Variants in NPRL3 observed in about 807,000 individuals in gnomAD.
NPRL3 encodes the protein GATOR1 complex protein NPRL3.
In NPRL3, 23 loss-of-function variants were observed where a neutral mutation model predicts 57.2. The observed-to-expected ratio is 0.40, with a 90% CI of 0.29 to 0.57. NPRL3 has a LOEUF of 0.57. Ranked by LOEUF, NPRL3 falls within the 20% of genes least tolerant of loss-of-function variation. NPRL3 has a pLI of 0.42. For synonymous variants in NPRL3, 333 were observed against 321.1 expected, an observed-to-expected ratio of 1.04 and a Z score of -0.39; for missense variants, 691 against 767.1, an observed-to-expected ratio of 0.90 and a Z score of 1.17.
Position 85,658 on chromosome 16 carries a change from G to GC in NPRL3, c.*1046dup, listed in dbSNP as rs1168126591. The GC allele has an allele frequency of 6.3e-7, 1 of 1,584,916 alleles. No homozygotes were observed. The highest frequency in any genetic ancestry group is 1.7e-5 in the Admixed American group (1 of 57,394). On this transcript the variant is annotated 3_prime_UTR_variant, in exon 14 of 14. Transcript: ENST00000611875. ...CAGTGAGCCGGCTGTAGTGGCAGCA[G>GC]CCCGGGTGGGCGTCGGCCATGCAGG...
chr16:97,665 G>C (rs1197027471), intron 9 of NPRL3, among the ~76,000 whole-genome samples: 1 of 152,094 alleles, frequency 6.6e-6, no homozygotes, highest in African/African-American at 2.4e-5. Context: ...CTTGTACAGA[G>C]TGCACAGGCC....
intron 3 of NPRL3, among the ~76,000 whole-genome samples, chr16:129,486 C>T (rs562983167): frequency 6.6e-5 from 10 of 152,268 alleles, no homozygotes; most frequent in African/African-American, 2.4e-4. Context: ...GAGGCCCCAA[C>T]ATCCTCCCAA....
chr16:100,229 A>C (rs1899217789), intron 8 of NPRL3, 143 bp downstream of exon 8: 1 of 845,338 alleles, frequency 1.2e-6, no homozygotes, highest in African/African-American at 1.8e-5. Flanking sequence ...TAACTTCTAT[A>C]AACGGCAGAG....
intron 7 of NPRL3, among the ~76,000 whole-genome samples, chr16:107,308 C>T (rs917708104): frequency 6.6e-6 from 1 of 152,098 alleles, no homozygotes; most frequent in East Asian, 1.9e-4. Flanking sequence ...CTTTCCAGCA[C>T]GATTCAAACC....
intron 10 of NPRL3, 73 bp downstream of exon 10, chr16:93,146 G>C (rs1021617180): frequency 4.1e-6 from 4 of 966,516 alleles, no homozygotes; most frequent in Non-Finnish European, 6.5e-6. Context: ...ACAGAGAACA[G>C]CATCTGGAGG....
Position 88,748 on chromosome 16 carries a change from G to A in NPRL3, c.1494C>T (p.Ile498=). ...ASLSEHERAA[I]LSVPAAQNPE... ...GGTTCTGGGCTGCGGGTACACTGAG[G>A]ATGGCTGCGCGTTCATGCTCCGACA... The change falls in exon 13 of 14, where the codon ATC becomes ATT. Residue 498 remains isoleucine, a synonymous_variant. Transcript: ENST00000611875. The A allele has an allele frequency of 6.2e-7, 1 of 1,613,732 alleles. No homozygotes were observed. The highest frequency in any genetic ancestry group is 1.1e-5 in the South Asian group (1 of 90,996).
intron 13 of NPRL3, among the ~76,000 whole-genome samples, chr16:88,233 T>A (rs1328339462): frequency 6.6e-6 from 1 of 152,130 alleles, no homozygotes; most frequent in Admixed American, 6.5e-5. Context: ...GCACTTAAAT[T>A]AGCCGGGCGT....
Position 117,051 on chromosome 16 carries a change from A to G in NPRL3, c.393+250T>C, listed in dbSNP as rs34742823. Among the ~76,000 whole-genome samples, 11,280 of 152,216 alleles carry G rather than the reference A, an allele frequency of 0.074. 835 individuals carry two copies. Among genetic ancestry groups the G allele is most frequent in the African/African-American group, 0.19 (7,795 of 41,510 alleles). On this transcript the variant is annotated intron_variant, in intron 5 of 13. Transcript: ENST00000611875. ...TGGTGAAAGTGTTCTGGATCTAGAT[A>G]GTGGTGATGGTTATACAACATGAAT...
At chr16:134,450 G>T (rs1017650755) in intron 2 of NPRL3, among the ~76,000 whole-genome samples, 1 of 152,252 alleles carries the variant, frequency 6.6e-6, no homozygotes, top group Admixed American at 6.5e-5. Context: ...AGAAAAAAAT[G>T]AATTGAAGAC....
chr16:112,694 G>A lies in NPRL3; in HGVS notation c.475C>T (p.Arg159Cys), dbSNP rs769300436. The change falls in exon 6 of 14, where the codon CGC (arginine) becomes TGC (cysteine). Residue 159 changes from arginine to cysteine, a missense_variant. Transcript: ENST00000611875. ...GCCTCCCGGGTGAGGTACTGGCAGC[G>A]GCGCTCCTCGTGCTGCAGCACGGTG... ...IATVLQHEER[R>C]CQYLTREAKL... is the part of the protein sequence containing the mutation. 13 of 1,610,516 alleles carry A rather than the reference G, an allele frequency of 8.1e-6. No individual in the cohort carries two copies. The East Asian group carries it at 1.3e-4, about 17-fold the overall frequency.
At chr16:128,565 G>A (rs893677911) in intron 3 of NPRL3, among the ~76,000 whole-genome samples, 5 of 152,042 alleles carry the variant, frequency 3.3e-5, no homozygotes, top group African/African-American at 7.2e-5. Flanking sequence ...TCAGGAGATC[G>A]AGACCGTCCT....
rs560167568 is a variant in NPRL3 at position 119,193 on chromosome 16, A to C, written c.251T>G (p.Phe84Cys). 31 of 1,612,772 alleles carry C rather than the reference A, an allele frequency of 1.9e-5. No homozygotes were observed. In the Admixed American group the frequency reaches 2.0e-4, roughly 10 times the overall value. Reference sequence around the variant, plus strand: ...TCGCACATTATCAATCTTCAGTTCAAATTTTTGGCCACACATTTCAGACTT... The same window carrying C: ...TCGCACATTATCAATCTTCAGTTCACATTTTTGGCCACACATTTCAGACTT... Reference protein sequence around the residue: ...ATKSEMCGQKFELKIDNVRFV... With the variant: ...ATKSEMCGQKCELKIDNVRFV... Residue 84 changes from phenylalanine (F) to cysteine (C), a missense_variant, in exon 4 of 14, where the codon TTT (phenylalanine) becomes TGT (cysteine). Physicochemically the swap from Phe to Cys is radical, Grantham distance 205. Coordinates refer to ENST00000611875, the MANE Select transcript of NPRL3 (RefSeq NM_001077350.3).
intron 7 of NPRL3, among the ~76,000 whole-genome samples, chr16:103,711 G>A (rs535942808): frequency 1.4e-4 from 21 of 152,304 alleles, no homozygotes; most frequent in Non-Finnish European, 2.5e-4. Flanking sequence ...CGGGCGTGGC[G>A]GCTCACGCCT....
At chr16:107,347 G>A (rs897802680) in intron 7 of NPRL3, among the ~76,000 whole-genome samples, 1 of 128,136 alleles carries the variant, frequency 7.8e-6, no homozygotes, top group Admixed American at 8.9e-5. Context: ...TCTTCCTTTA[G>A]AAATATAAAG....
At chr16:93,089 T>C (rs1011955472) in intron 10 of NPRL3, 130 bp downstream of exon 10, 1 of 692,694 alleles carries the variant, frequency 1.4e-6, no homozygotes, top group African/African-American at 1.8e-5. Flanking sequence ...TAGGCTGAAG[T>C]GAGAGCCTGG....
chr16:98,066 T>C (rs1352308993), intron 9 of NPRL3, 79 bp downstream of exon 9: 15 of 1,529,662 alleles, frequency 9.8e-6, no homozygotes, highest in South Asian at 6.1e-5. Context: ...CCCCTGTGGA[T>C]GTACTGTGGC....
intron 13 of NPRL3, among the ~76,000 whole-genome samples, chr16:88,332 G>A (rs901899714): frequency 1.3e-5 from 2 of 149,448 alleles, no homozygotes; most frequent in Non-Finnish European, 2.9e-5. Flanking sequence ...AGTGAGCCGA[G>A]ATTGCGCCAC....
At position 98,374 on chromosome 16, in the gene NPRL3, A is replaced by C. The variant is rs1899115730; in HGVS notation, c.768-73T>G. On this transcript the variant is annotated intron_variant, in intron 8 of 13. Coordinates refer to ENST00000611875, the MANE Select transcript of NPRL3 (RefSeq NM_001077350.3). ...GCACCGGGTATGCACCAGGTCCTGC[A>C]CCAGGTATGCACCGGGTATGCACCA... 6 of 1,519,222 alleles carry C rather than the reference A, an allele frequency of 3.9e-6. No homozygotes were observed. In the South Asian group the frequency reaches 7.4e-5, roughly 19 times the overall value. 94.1% of individuals were successfully genotyped at this position (1,519,222 alleles called of 1,614,324 possible). A position where few individuals can be genotyped will look rare whatever the true frequency, so the allele number is the denominator to read the frequency against.
chr16:93,456 C>G, intron 9 of NPRL3, 131 bp from the exon 10 acceptor site: 1 of 659,416 alleles, frequency 1.5e-6, no homozygotes, highest in South Asian at 1.7e-5. Context: ...GCAGAACACA[C>G]CTGGTGGCTA....
Sources: gnomAD v4.1 joint callset for allele counts (sites outside exome capture counted in the v4.1 genomes callset) on GRCh38, gnomAD v4.1.1 for gene constraint, MANE v1.5 for transcripts, NCBI Gene and HGNC (gene_info 2026-07-23, HGNC 2026-07-21) for gene names.